ADGB: variants seen among roughly 807,000 people sequenced by gnomAD.
ADGB encodes the protein calpain-7-like protein.
A neutral mutation model predicts 210.5 loss-of-function variants in ADGB; 172 were observed. The observed-to-expected ratio is 0.82, with a 90% confidence interval of 0.72 to 0.93. The LOEUF (loss-of-function observed/expected upper bound fraction) is 0.93. Ranked by LOEUF, ADGB falls within the 40% of genes least tolerant of loss-of-function variation. The probability of loss-of-function intolerance (pLI) is 0.00; values close to 1 mark genes in which losing one functional copy is unlikely to be tolerated. For missense variants in ADGB, 2,025 were observed against 1,964.8 expected, an observed-to-expected ratio of 1.03 and a Z score of -0.58; for synonymous variants, 658 against 662.7, an observed-to-expected ratio of 0.99 and a Z score of 0.11.
At chr6:146,788,332 T>C in intron 32 of ADGB, 57 bp from the exon 33 acceptor site, 1 of 1,447,922 alleles carries the variant, frequency 6.9e-7, no homozygotes, top group East Asian at 2.5e-5. Flanking sequence ...CTGTTACTGT[T>C]TGCATGTGAT....
chr6:146,612,631 C>G (rs999666095), intron 1 of ADGB, among the ~76,000 whole-genome samples: 1 of 152,138 alleles, frequency 6.6e-6, no homozygotes, highest in African/African-American at 2.4e-5. Context: ...CATTCTCATT[C>G]CCTTTTCTTT....
At chr6:146,804,229 G>A (rs1778177226) in intron 35 of ADGB, among the ~76,000 whole-genome samples, 2 of 151,504 alleles carry the variant, frequency 1.3e-5, no homozygotes, top group Admixed American at 6.6e-5. Context: ...TTCCCACTAC[G>A]GATAATGAGA....
In ADGB at chr6:146,733,200, G is replaced by T; in HGVS notation, c.2601G>T (p.Arg867=). ...CTCCAAACTTCAAATTTGCATTCCG[G>T]GCTATGGTTTTGGACTTGGAGTTAC... The part of the protein sequence containing the change: ...KPPPNFKFAF[R]AMVLDLELLN... Residue 867 remains arginine, a synonymous_variant, in exon 21 of 36, where the codon CGG becomes CGT. Transcript: ENST00000397944. The T allele has an allele frequency of 6.5e-7, 1 of 1,542,350 alleles. No homozygotes were observed. Among genetic ancestry groups the T allele is most frequent in the Non-Finnish European group, 8.8e-7 (1 of 1,141,528 alleles).
intron 33 of ADGB, among the ~76,000 whole-genome samples, chr6:146,794,789 A>G (rs1427821088): frequency 1.3e-5 from 2 of 152,224 alleles, no homozygotes; most frequent in Non-Finnish European, 2.9e-5. Flanking sequence ...AAAAGTAATT[A>G]CTAAAACTGA....
At chr6:146,654,966 C>A (rs1209794270) in intron 4 of ADGB, among the ~76,000 whole-genome samples, 1 of 152,144 alleles carries the variant, frequency 6.6e-6, no homozygotes, top group East Asian at 1.9e-4. Context: ...CCCATATCCC[C>A]CTCCTTCCAG....
chr6:146,716,023 G>C (rs1221645396), intron 14 of ADGB, among the ~76,000 whole-genome samples: 1 of 146,496 alleles, frequency 6.8e-6, no homozygotes, highest in Admixed American at 6.8e-5. Flanking sequence ...AGCCAAGATC[G>C]TGCCACTGCA....
intron 29 of ADGB, among the ~76,000 whole-genome samples, chr6:146,774,038 G>C (rs916374388): frequency 2.6e-5 from 4 of 152,060 alleles, no homozygotes; most frequent in Non-Finnish European, 5.9e-5. Flanking sequence ...CTCCATCTAG[G>C]GCTTTGAATG....
At chr6:146,755,456 T>C (rs1337460173) in intron 27 of ADGB, among the ~76,000 whole-genome samples, 3 of 152,092 alleles carry the variant, frequency 2.0e-5, no homozygotes, top group Non-Finnish European at 4.4e-5. Flanking sequence ...CAAAATCTGA[T>C]GGTTTTATAA....
intron 1 of ADGB, among the ~76,000 whole-genome samples, chr6:146,620,342 C>T (rs1173737797): frequency 6.6e-6 from 1 of 152,068 alleles, no homozygotes. Context: ...AAATTTTCAG[C>T]CATTATTTCT....
intron 35 of ADGB, chr6:146,803,625 C>G: frequency 7.4e-7 from 1 of 1,346,458 alleles, no homozygotes; most frequent in Non-Finnish European, 1.1e-6. Context: ...AATTAGAGAT[C>G]TTTTTTTCTA....
chr6:146,656,644 A>C (rs1316704245), intron 4 of ADGB, 127 bp from the exon 5 acceptor site: 1 of 646,926 alleles, frequency 1.5e-6, no homozygotes, highest in African/African-American at 1.9e-5. Context: ...AAATGAAAGT[A>C]TGGAATACAT....
rs1021214602 is a variant in ADGB at position 146,792,454 on chromosome 6, T to A, written c.4537+3844T>A. On this transcript the variant is annotated intron_variant, in intron 33 of 35. Transcript: ENST00000397944. Reference sequence around the variant, plus strand: ...CACCCATGCAGTCTGCACTGTGCTCTGAAACTAATAAGGTAATCTTTAAAT... The same window carrying A: ...CACCCATGCAGTCTGCACTGTGCTCAGAAACTAATAAGGTAATCTTTAAAT... 8.5e-5 allele frequency among the ~76,000 whole-genome samples: 13 copies of A among 152,282 alleles called. No homozygotes were observed. In the East Asian group the frequency reaches 2.3e-3, roughly 27 times the overall value.
chr6:146,803,665 A>G, intron 35 of ADGB: 2 of 1,287,492 alleles, frequency 1.6e-6, no homozygotes, highest in Middle Eastern at 2.6e-4. Flanking sequence ...CCTCAATCTT[A>G]TTACAAAAGT....
intron 29 of ADGB, among the ~76,000 whole-genome samples, chr6:146,770,159 C>T (rs2114632144): frequency 6.6e-6 from 1 of 152,276 alleles, no homozygotes; most frequent in East Asian, 1.9e-4. Context: ...TACATGTAAG[C>T]TATTCCTATT....
In ADGB at chr6:146,611,220, A is replaced by G. The variant is rs1342388275; in HGVS notation, c.74+12106A>G. On this transcript the variant is annotated intron_variant, in intron 1 of 35. Coordinates refer to ENST00000397944, the MANE Select transcript of ADGB (RefSeq NM_024694.4). ...GAGCATCTGAGGCTGTGCTGCAAGC[A>G]GGTGAGGCCGGGCAGGGACTTTTGG... Among the ~76,000 whole-genome samples the G allele has an allele frequency of 2.6e-5, 4 of 151,958 alleles. No homozygotes were observed. In the East Asian group the frequency reaches 7.8e-4, roughly 30 times the overall value.
Position 146,696,077 on chromosome 6 carries a change from C to CTT in ADGB, c.1577+3175_1577+3176dup, listed in dbSNP as rs754311689. On this transcript the variant is annotated intron_variant, in intron 12 of 35. Coordinates refer to ENST00000397944, the MANE Select transcript of ADGB (RefSeq NM_024694.4). ...AAGTTCCCTTTTATAGTAAGAAATACTTTTTTTTTTTTTTCCCGAGATGGA... is the reference window on the plus strand; with the variant it reads ...AAGTTCCCTTTTATAGTAAGAAATACTTTTTTTTTTTTTTTTCCCGAGATGGA... 5.2e-4 allele frequency among the ~76,000 whole-genome samples: 75 copies of CTT among 144,766 alleles called. No individual in the cohort carries two copies. In the East Asian group the frequency reaches 6.6e-3, roughly 13 times the overall value. The allele number at this position is 144,766 out of a possible 152,430, so 95.0% of individuals were successfully genotyped here.
chr6:146,659,441 A>AT (rs2114888377), intron 5 of ADGB, among the ~76,000 whole-genome samples: 1 of 152,032 alleles, frequency 6.6e-6, no homozygotes, highest in South Asian at 2.1e-4. Context: ...CTTATTGGAA[A>AT]TTGATTTTTC....
chr6:146,810,067 CT>C (rs1329923397), intron 35 of ADGB, among the ~76,000 whole-genome samples: 1 of 151,978 alleles, frequency 6.6e-6, no homozygotes, highest in African/African-American at 2.4e-5. Flanking sequence ...TGGCAAGGGG[CT>C]AATATTTAAA....
chr6:146,709,551 T>C lies in ADGB; in HGVS notation c.1708-5831T>C, dbSNP rs116573441. On this transcript the variant is annotated intron_variant, in intron 13 of 35. Transcript: ENST00000397944. Reference sequence around the variant, plus strand: ...CCTTGGAAACCAGCCTGAAATCTGGTTCCACAGAGGCTAGACTGATACTGG... The same window carrying C: ...CCTTGGAAACCAGCCTGAAATCTGGCTCCACAGAGGCTAGACTGATACTGG... Among the ~76,000 whole-genome samples, 429 of 152,276 alleles carry C rather than the reference T, an allele frequency of 2.8e-3. 2 individuals carry two copies. Among genetic ancestry groups the C allele is most frequent in the African/African-American group, 9.8e-3 (408 of 41,562 alleles).
Sources: gnomAD v4.1 joint callset for allele counts (sites outside exome capture counted in the v4.1 genomes callset) on GRCh38, gnomAD v4.1.1 for gene constraint, MANE v1.5 for transcripts, NCBI Gene and HGNC (gene_info 2026-07-23, HGNC 2026-07-21) for gene names.